The following ZNF789 variants were observed in gnomAD, a reference collection of about 807,000 sequenced individuals.
ZNF789 encodes the protein zinc finger protein 789.
ZNF789 carries 11 observed loss-of-function variants against 15.6 expected under a neutral mutation model. The ratio of observed to expected loss-of-function variants is 0.70; its 90% CI spans 0.44 to 1.16. ZNF789 has a LOEUF of 1.16. Ranked by LOEUF, ZNF789 falls within the 50% of genes most tolerant of loss-of-function variation. The probability of loss-of-function intolerance (pLI) is 0.00; values close to 1 mark genes in which losing one functional copy is unlikely to be tolerated. For missense variants in ZNF789, 461 were observed against 512.6 expected (o/e 0.90, Z 0.97); for synonymous variants, 159 against 176.0 (o/e 0.90, Z 0.76).
chr7:99,482,905 T>G (rs540112922), intron 3 of ZNF789, among the ~76,000 whole-genome samples: 1 of 152,074 alleles, frequency 6.6e-6, no homozygotes, highest in African/African-American at 2.4e-5. Context: ...TGTATTCTGC[T>G]TTAAAATACA....
At chr7:99,484,801 T>C (rs988523528) in intron 4 of ZNF789, among the ~76,000 whole-genome samples, 1 of 151,934 alleles carries the variant, frequency 6.6e-6, no homozygotes, top group Non-Finnish European at 1.5e-5. Context: ...TGGTGGCGCA[T>C]GCCTGTAGTC....
intron 3 of ZNF789, chr7:99,481,327 T>C (rs1466294713): frequency 1.3e-5 from 2 of 152,254 alleles, no homozygotes; most frequent in African/African-American, 4.8e-5. Context: ...TTTTTGATCA[T>C]TTCCCAAGAT....
At chr7:99,479,527 A>AAT in intron 2 of ZNF789, 134 bp from the exon 3 acceptor site, 1 of 1,118,672 alleles carries the variant, frequency 8.9e-7, no homozygotes, top group Non-Finnish European at 1.2e-6. Context: ...AGGAGCCCTG[A>AAT]ATATATTCCT....
Position 99,487,357 on chromosome 7 carries a change from A to C in ZNF789, c.1147A>C (p.Asn383His), listed in dbSNP as rs1333796054. The C allele has an allele frequency of 6.2e-7, 1 of 1,614,120 alleles. No individual in the cohort carries two copies. Among genetic ancestry groups the C allele is most frequent in the African/African-American group, 1.3e-5 (1 of 74,942 alleles). The part of the protein sequence containing the change: ...ECGKTFSFKR[N>H]LFRHQVIHTG... ...TGGGAAAACGTTTAGTTTTAAGAGGAATCTTTTTCGACATCAGGTCATTCA... is the reference window on the plus strand; with the variant it reads ...TGGGAAAACGTTTAGTTTTAAGAGGCATCTTTTTCGACATCAGGTCATTCA... The change falls in exon 5 of 5, where the codon AAT becomes CAT. Residue 383 changes from asparagine (N) to histidine (H), a missense_variant. Physicochemically the swap from Asn to His is moderately conservative, Grantham distance 68 (BLOSUM62 1). Coordinates refer to ENST00000331410, the MANE Select transcript of ZNF789 (RefSeq NM_213603.3).
chr7:99,474,480 GC>G (rs1398232632), intron 1 of ZNF789, among the ~76,000 whole-genome samples: 1 of 151,920 alleles, frequency 6.6e-6, no homozygotes, highest in Non-Finnish European at 1.5e-5. Flanking sequence ...TGTAGTCCCA[GC>G]TACTCGGGAA....
intron 1 of ZNF789, among the ~76,000 whole-genome samples, chr7:99,474,504 G>A (rs1236283447): frequency 6.6e-6 from 1 of 151,930 alleles, no homozygotes; most frequent in African/African-American, 2.4e-5. Flanking sequence ...TGAGGCAGGA[G>A]AATGGCGTGA....
chr7:99,473,939 A>AGGGTCTTGC (rs1258794246), intron 1 of ZNF789, among the ~76,000 whole-genome samples: 1 of 152,166 alleles, frequency 6.6e-6, no homozygotes, highest in Non-Finnish European at 1.5e-5. Context: ...TAAGAGAGAC[A>AGGGTCTTGC]GGGTCTTGCT....
intron 2 of ZNF789, among the ~76,000 whole-genome samples, chr7:99,477,394 C>T (rs568159827): frequency 6.6e-6 from 1 of 151,938 alleles, no homozygotes; most frequent in Admixed American, 6.6e-5. Flanking sequence ...GGCTGGAATG[C>T]AGTGGCATGA....
At chr7:99,476,331 C>A in intron 1 of ZNF789, 72 bp from the exon 2 acceptor site, 2 of 1,055,464 alleles carry the variant, frequency 1.9e-6, no homozygotes, top group East Asian at 2.8e-5. Context: ...CGTTGGAATT[C>A]CGGGTCCCAG....
At chr7:99,478,149 G>A in intron 2 of ZNF789, 1 of 528,380 alleles carries the variant, frequency 1.9e-6, no homozygotes, top group Non-Finnish European at 3.0e-6. Flanking sequence ...ACCTGCTGCT[G>A]TACATACTTT....
chr7:99,477,021 G>A (rs562712427), intron 2 of ZNF789, among the ~76,000 whole-genome samples: 4 of 152,062 alleles, frequency 2.6e-5, no homozygotes, highest in Non-Finnish European at 5.9e-5. Flanking sequence ...CATTATGGAG[G>A]GTGATTAGAA....
At chr7:99,476,700 C>G (rs987556207) in intron 2 of ZNF789, among the ~76,000 whole-genome samples, 1 of 152,222 alleles carries the variant, frequency 6.6e-6, no homozygotes, top group African/African-American at 2.4e-5. Context: ...GTGCCTATCA[C>G]AGCGAGTTGT....
At chr7:99,479,376 G>A (rs1189151013) in intron 2 of ZNF789, 15 of 296,622 alleles carry the variant, frequency 5.1e-5, no homozygotes, top group Non-Finnish European at 8.6e-5. Flanking sequence ...CTAATCAACA[G>A]CAGATTTGAG....
At chr7:99,483,845 C>T in intron 3 of ZNF789, 185 bp from the exon 4 acceptor site, 3 of 783,926 alleles carry the variant, frequency 3.8e-6, no homozygotes, top group South Asian at 2.7e-5. Flanking sequence ...GAAATGACCA[C>T]AGCCAAAGGT....
In ZNF789 at chr7:99,486,744, TG is replaced by T; in HGVS notation, c.536del (p.Gly179AlafsTer47). 6.2e-7 allele frequency: 1 copy of T among 1,614,214 alleles called. No individual in the cohort carries two copies. Among genetic ancestry groups the T allele is most frequent in the Non-Finnish European group, 8.5e-7 (1 of 1,180,036 alleles). ...GGAAGCAGGGCAGATATGATGAGGA[TG>T]GCAAACCCTTCAATCAAAGATCTTT... The part of the protein sequence containing the change: ...RWKQGRYDED[G>X]KPFNQRSLLL... On this transcript the variant is annotated frameshift_variant, in exon 5 of 5. Coordinates refer to ENST00000331410, the MANE Select transcript of ZNF789 (RefSeq NM_213603.3). LOFTEE classifies it low-confidence loss of function (END_TRUNC).
At chr7:99,483,724 C>T in intron 3 of ZNF789, 1 of 780,958 alleles carries the variant, frequency 1.3e-6, no homozygotes, top group Non-Finnish European at 2.4e-6. Context: ...TTAATTGTTC[C>T]CTTTTGATAT....
Position 99,477,234 on chromosome 7 carries a change from G to T in ZNF789, c.24+754G>T, listed in dbSNP as rs561083335. Among the ~76,000 whole-genome samples, 11 of 152,112 alleles carry T rather than the reference G, an allele frequency of 7.2e-5. No individual in the cohort carries two copies. The South Asian group carries it at 2.1e-3, about 29-fold the overall frequency. On this transcript the variant is annotated intron_variant, in intron 2 of 4. Transcript: ENST00000331410. ...ATTTTTGTACTTTTAGTAGAGACGG[G>T]GTTTCACCATGTTGGCCAGAATGGT...
chr7:99,475,409 A>T (rs1221914608), intron 1 of ZNF789, among the ~76,000 whole-genome samples: 1 of 151,934 alleles, frequency 6.6e-6, no homozygotes, highest in Non-Finnish European at 1.5e-5. Context: ...AAAAAAAAAA[A>T]TCAAGTCTGT....
intron 1 of ZNF789, 43 bp from the exon 2 acceptor site, chr7:99,476,360 C>A: frequency 1.4e-6 from 2 of 1,455,538 alleles, no homozygotes; most frequent in Non-Finnish European, 1.9e-6. Flanking sequence ...ACCAAGAGAG[C>A]TTCAAATTAG....
Sources: allele counts gnomAD v4.1 joint callset (sites outside exome capture counted in the v4.1 genomes callset), GRCh38; gene constraint gnomAD v4.1.1; transcripts MANE v1.5; gene names NCBI Gene and HGNC (gene_info 2026-07-23, HGNC 2026-07-21).